Variants in TRIM22 observed in about 807,000 individuals in gnomAD.
The protein encoded by TRIM22 is E3 ubiquitin-protein ligase TRIM22.
In TRIM22, 45 loss-of-function variants were observed where a neutral mutation model predicts 53.6. That is an observed-to-expected ratio of 0.84 (90% CI 0.66 to 1.08). The LOEUF (loss-of-function observed/expected upper bound fraction) is 1.08, where lower values mean the gene tolerates loss of function less well. TRIM22 is among the 50% of genes least tolerant of loss of function. The probability of loss-of-function intolerance (pLI) is 0.00; values close to 1 mark genes in which losing one functional copy is unlikely to be tolerated. For synonymous variants in TRIM22, 225 were observed against 216.6 expected (o/e 1.04, Z -0.34); for missense variants, 616 against 590.9 (o/e 1.04, Z -0.44).
rs562010875 is a variant in TRIM22, at chr11:5,699,712, CTTGA to C, written c.750+1170_750+1173del. ...TAGGTTCTTCACATCCTTGTTAATA[CTTGA>C]TTATTTCCTTTTTTTTTTTTTTTTT... On this transcript the variant is annotated intron_variant, in intron 4 of 7. Coordinates refer to ENST00000379965, the MANE Select transcript of TRIM22 (RefSeq NM_006074.5). Among the ~76,000 whole-genome samples the C allele has an allele frequency of 4.5e-3, 658 of 146,892 alleles. 1 individual carries two copies. Among genetic ancestry groups the C allele is most frequent in the African/African-American group, 0.015 (587 of 39,816 alleles).
intron 4 of TRIM22, 34 bp downstream of exon 4, chr11:5,698,579 T>C (rs2134176073): frequency 6.4e-7 from 1 of 1,550,484 alleles, no homozygotes; most frequent in East Asian, 2.3e-5. Context: ...ACGTAAGAGA[T>C]TAGGGGAAAA....
rs371028900 is a variant in TRIM22, at chr11:5,709,530, C to T, written c.1379C>T (p.Thr460Ile). The T allele has an allele frequency of 5.3e-5, 86 of 1,614,008 alleles. 1 individual carries two copies. The African/African-American group carries it at 1.1e-3, about 21-fold the overall frequency. ...EAGIVSFFNV[T>I]NHGALIYKFS... ...GGCATTGTCTCATTTTTCAATGTCACAAACCACGGAGCACTCATCTACAAG... is the reference window on the plus strand; with the variant it reads ...GGCATTGTCTCATTTTTCAATGTCATAAACCACGGAGCACTCATCTACAAG... Residue 460 changes from threonine (T) to isoleucine (I), a missense_variant, in exon 8 of 8, where the codon ACA (threonine) becomes ATA (isoleucine). Transcript: ENST00000379965.
At chr11:5,704,487 T>C (rs1853426862) in intron 4 of TRIM22, among the ~76,000 whole-genome samples, 1 of 152,174 alleles carries the variant, frequency 6.6e-6, no homozygotes, top group Admixed American at 6.5e-5. Flanking sequence ...GATTTTCTTG[T>C]TGAATTTTAG....
rs1280725571 is a variant in TRIM22 at position 5,709,460 on chromosome 11, G to T, written c.1309G>T (p.Ala437Ser). Reference sequence around the variant, plus strand: ...TCCCAAGGTTTTGACTCTCTTTATGGCTGTGCCTCCCTGTCGTATTGGGGT... The same window carrying T: ...TCCCAAGGTTTTGACTCTCTTTATGTCTGTGCCTCCCTGTCGTATTGGGGT... ...SDPKVLTLFM[A>S]VPPCRIGVFL... is the part of the protein sequence containing the mutation. The change falls in exon 8 of 8, where the codon GCT (alanine) becomes TCT (serine). Residue 437 changes from alanine (A) to serine (S), a missense_variant. By Grantham distance (99) the Ala-to-Ser change is moderately conservative. Coordinates refer to ENST00000379965, the MANE Select transcript of TRIM22 (RefSeq NM_006074.5). The T allele has an allele frequency of 3.7e-6, 6 of 1,614,114 alleles. No individual in the cohort carries two copies. The highest frequency in any genetic ancestry group is 5.1e-6 in the Non-Finnish European group (6 of 1,180,020).
intron 1 of TRIM22, among the ~76,000 whole-genome samples, chr11:5,691,740 TCTC>T (rs1853175268): frequency 6.6e-6 from 1 of 152,200 alleles, no homozygotes; most frequent in Non-Finnish European, 1.5e-5. Flanking sequence ...GTTGGTAATT[TCTC>T]CTGAGTCTTA....
Position 5,709,456 on chromosome 11 carries a change from T to C in TRIM22, c.1305T>C (p.Phe435=). The C allele has an allele frequency of 3.1e-6, 5 of 1,614,232 alleles. No individual in the cohort carries two copies. Among genetic ancestry groups the C allele is most frequent in the Non-Finnish European group, 4.2e-6 (5 of 1,180,030 alleles). ...CTGATCCCAAGGTTTTGACTCTCTT[T>C]ATGGCTGTGCCTCCCTGTCGTATTG... The part of the protein sequence containing the change: ...SSSDPKVLTL[F]MAVPPCRIGV... The change falls in exon 8 of 8, where the codon TTT becomes TTC. Residue 435 remains phenylalanine, a synonymous_variant. Coordinates refer to ENST00000379965, the MANE Select transcript of TRIM22 (RefSeq NM_006074.5).
chr11:5,693,246 G>A (rs1853204698), intron 1 of TRIM22, among the ~76,000 whole-genome samples: 1 of 146,840 alleles, frequency 6.8e-6, no homozygotes, highest in Admixed American at 6.9e-5. Context: ...CTTCTGTGCA[G>A]GTAATCAGAG....
chr11:5,697,658 AC>A, intron 3 of TRIM22: 1 of 282,518 alleles, frequency 3.5e-6, no homozygotes, highest in Non-Finnish European at 6.7e-6. Flanking sequence ...CTGGAGAAAG[AC>A]CCAGGATTCC....
intron 4 of TRIM22, among the ~76,000 whole-genome samples, chr11:5,705,081 G>A (rs1056138326): frequency 1.3e-5 from 2 of 152,120 alleles, no homozygotes; most frequent in Admixed American, 1.3e-4. Context: ...CCTGCAGTTG[G>A]TTAAAGTAGA....
chr11:5,704,334 T>C (rs934155398), intron 4 of TRIM22, among the ~76,000 whole-genome samples: 6 of 152,206 alleles, frequency 3.9e-5, no homozygotes, highest in Admixed American at 2.0e-4. Context: ...CTAGTCTTTT[T>C]CTTGATTTTA....
At chr11:5,699,551 A>C (rs1853331792) in intron 4 of TRIM22, among the ~76,000 whole-genome samples, 1 of 121,508 alleles carries the variant, frequency 8.2e-6, no homozygotes, top group African/African-American at 3.9e-5. Flanking sequence ...AAAAAAAAAA[A>C]AAAAAAAAAA....
Position 5,697,248 on chromosome 11 carries a change from G to A in TRIM22, c.424G>A (p.Glu142Lys), listed in dbSNP as rs761782306. The change falls in exon 3 of 8, where the codon GAA (glutamate) becomes AAA (lysine). Residue 142 changes from glutamate to lysine, a missense_variant and splice_region_variant. Physicochemically the swap from Glu to Lys is moderately conservative, Grantham distance 56. Coordinates refer to ENST00000379965, the MANE Select transcript of TRIM22 (RefSeq NM_006074.5). ...RINEVVKECQ[E>K]KLQVALQRLI... ...CTCTGGTATAATTTATTTCTTACAG[G>A]AAAAGCTGCAGGTAGCCCTGCAGAG... 1.2e-6 allele frequency: 2 copies of A among 1,603,636 alleles called. No individual in the cohort carries two copies. The highest frequency in any genetic ancestry group is 3.5e-5 in the Admixed American group (2 of 57,756).
chr11:5,700,767 C>T (rs552930789), intron 4 of TRIM22, among the ~76,000 whole-genome samples: 1 of 151,558 alleles, frequency 6.6e-6, no homozygotes, highest in East Asian at 2.0e-4. Context: ...GGACTGCAGG[C>T]CGCCCACCAC....
At chr11:5,693,468 C>A (rs1853207492) in intron 1 of TRIM22, among the ~76,000 whole-genome samples, 1 of 151,636 alleles carries the variant, frequency 6.6e-6, no homozygotes, top group South Asian at 2.1e-4. Flanking sequence ...CGCCAGTAAT[C>A]CCAGCACTTT....
intron 2 of TRIM22, 134 bp downstream of exon 2, chr11:5,696,789 CTT>C (rs1853270981): frequency 1.0e-6 from 1 of 969,454 alleles, no homozygotes. Flanking sequence ...TTTCCATACT[CTT>C]TGCTTAGTTT....
chr11:5,703,676 C>T (rs373422470), intron 4 of TRIM22, among the ~76,000 whole-genome samples: 26 of 102,306 alleles, frequency 2.5e-4, no homozygotes, highest in Middle Eastern at 4.9e-3. Flanking sequence ...TGAGCCACCG[C>T]GCCCGGAAAT....
intron 5 of TRIM22, among the ~76,000 whole-genome samples, chr11:5,707,130 TTACCG>T (rs1853472090): frequency 6.6e-6 from 1 of 152,232 alleles, no homozygotes; most frequent in Non-Finnish European, 1.5e-5. Context: ...CTCACATACT[TTACCG>T]TCTTGTAGGA....
At chr11:5,697,048 G>C (rs972860333) in intron 2 of TRIM22, 200 bp from the exon 3 acceptor site, 14 of 547,254 alleles carry the variant, frequency 2.6e-5, no homozygotes, top group Non-Finnish European at 4.2e-5. Flanking sequence ...TTGATAAGAG[G>C]ATGGTGACTT....
At chr11:5,702,642 A>T (rs1365465453) in intron 4 of TRIM22, among the ~76,000 whole-genome samples, 13 of 151,956 alleles carry the variant, frequency 8.6e-5, no homozygotes, top group Non-Finnish European at 4.4e-5. Flanking sequence ...CATTCATTTC[A>T]CTTATCCATA....
Sources: allele counts gnomAD v4.1 joint callset (sites outside exome capture counted in the v4.1 genomes callset), GRCh38; gene constraint gnomAD v4.1.1; transcripts MANE v1.5; gene names NCBI Gene and HGNC (gene_info 2026-07-23, HGNC 2026-07-21).